CLIP4: variants seen among roughly 807,000 people sequenced by gnomAD.
CLIP4 encodes CAP-Gly domain containing linker protein family member 4.
Under a neutral mutation model 73.1 loss-of-function variants are expected in CLIP4, and 47 were observed. That is an observed-to-expected ratio of 0.64 (90% CI 0.51 to 0.82). The LOEUF is 0.82. CLIP4 is among the 40% of genes least tolerant of loss of function. The pLI is 0.00. For missense variants in CLIP4, 874 were observed against 852.9 expected (o/e 1.02, Z -0.31); for synonymous variants, 306 against 295.4 (o/e 1.04, Z -0.37).
chr2:29,179,633 G>C (rs1432337263), intron 15 of CLIP4, among the ~76,000 whole-genome samples: 1 of 152,134 alleles, frequency 6.6e-6, no homozygotes, highest in Non-Finnish European at 1.5e-5. Context: ...TGAAGTGTTA[G>C]GTACCTAGTA....
intron 5 of CLIP4, 118 bp from the exon 6 acceptor site, chr2:29,135,430 G>T: frequency 1.8e-6 from 1 of 567,256 alleles, no homozygotes; most frequent in Non-Finnish European, 3.0e-6. Context: ...TGCCTCTAGT[G>T]GGTTGATTTA....
intron 9 of CLIP4, among the ~76,000 whole-genome samples, chr2:29,155,274 C>G (rs1666844734): frequency 6.6e-6 from 1 of 152,002 alleles, no homozygotes; most frequent in Admixed American, 6.6e-5. Context: ...TACAGCCTGG[C>G]TAACAGAACA....
rs1668685639 is a variant in CLIP4 at position 29,182,324 on chromosome 2, C to CTT, written c.*433_*434dup. ...TCAATCATTTTTGGAATTTTTCTTT[C>CTT]TTTCTGTGCTTTATTACTAATAAGT... On this transcript the variant is annotated 3_prime_UTR_variant, in exon 16 of 16. Transcript: ENST00000320081. 1 of 153,918 alleles carries CTT rather than the reference C, an allele frequency of 6.5e-6. No individual in the cohort carries two copies. The highest frequency in any genetic ancestry group is 6.5e-5 in the Admixed American group (1 of 15,410). The allele number at this position is 153,918 out of a possible 1,614,324, so 9.5% of individuals were successfully genotyped here.
intron 8 of CLIP4, among the ~76,000 whole-genome samples, chr2:29,148,719 A>G (rs1572958186): frequency 6.6e-6 from 1 of 152,312 alleles, no homozygotes; most frequent in East Asian, 1.9e-4. Context: ...ACATCTAGTG[A>G]GTTTGTACTA....
At chr2:29,174,525 T>C (rs529172375) in intron 15 of CLIP4, 80 bp downstream of exon 15, 1 of 1,548,840 alleles carries the variant, frequency 6.5e-7, no homozygotes, top group Non-Finnish European at 8.7e-7. Context: ...AGTGGAGTGC[T>C]GTATCTTTTG....
intron 8 of CLIP4, among the ~76,000 whole-genome samples, chr2:29,146,605 T>G (rs1666188385): frequency 6.6e-6 from 1 of 152,204 alleles, no homozygotes; most frequent in Non-Finnish European, 1.5e-5. Flanking sequence ...TGAAATATTC[T>G]TTTAGAACAT....
intron 1 of CLIP4, among the ~76,000 whole-genome samples, chr2:29,101,746 G>C (rs1409560559): frequency 6.6e-6 from 1 of 152,108 alleles, no homozygotes; most frequent in Non-Finnish European, 1.5e-5. Context: ...CTTGATAAAG[G>C]GCTTAGAGTT....
rs773027559 is a variant in CLIP4, at chr2:29,157,288, T to C, written c.1340T>C (p.Ile447Thr). The C allele has an allele frequency of 2.5e-6, 4 of 1,614,118 alleles. No homozygotes were observed. The highest frequency in any genetic ancestry group is 1.7e-5 in the Admixed American group (1 of 60,026). ...RQSYPKKQNA[I>T]SSNKKTMSKS... is the part of the protein sequence containing the mutation. ...AGCTACCCCAAGAAACAGAATGCAA[T>C]CAGCAGTAACAAGAAGACAATGAGC... Residue 447 changes from isoleucine (I) to threonine (T), a missense_variant, in exon 11 of 16, where the codon ATC becomes ACC. By Grantham distance (89) the Ile-to-Thr change is moderately conservative. Transcript: ENST00000320081.
rs1236506848 is a variant in CLIP4, at chr2:29,156,408, C to T, written c.1220C>T (p.Pro407Leu). ...SASESTLSLPPGEELKTVTEK... is the reference protein window; with the variant it reads ...SASESTLSLPLGEELKTVTEK... ...TCTGAGTCAACACTTTCATTGCCTC[C>T]TGGTGAAGAACTTAAAACTGTGACA... The change falls in exon 10 of 16, where the codon CCT becomes CTT. Residue 407 changes from proline to leucine, a missense_variant. Pro to Leu is a moderately conservative substitution (Grantham distance 98). Transcript: ENST00000320081. 1.3e-6 allele frequency: 2 copies of T among 1,588,006 alleles called. No individual in the cohort carries two copies. Among genetic ancestry groups the T allele is most frequent in the Admixed American group, 1.9e-5 (1 of 51,466 alleles).
chr2:29,121,884 G>T (rs983269361), intron 2 of CLIP4, among the ~76,000 whole-genome samples: 3 of 152,078 alleles, frequency 2.0e-5, no homozygotes, highest in African/African-American at 4.8e-5. Flanking sequence ...AGGCAAAGAG[G>T]GTAAGAGACC....
intron 15 of CLIP4, chr2:29,175,587 G>A (rs1460985226): frequency 6.6e-6 from 1 of 152,092 alleles, no homozygotes; most frequent in Admixed American, 6.5e-5. Context: ...TGAGCCCTGG[G>A]AATTATACAG....
At chr2:29,135,863 T>C (rs1410112750) in intron 6 of CLIP4, among the ~76,000 whole-genome samples, 197 bp downstream of exon 6, 1 of 152,160 alleles carries the variant, frequency 6.6e-6, no homozygotes, top group African/African-American at 2.4e-5. Flanking sequence ...TTTCCTTTTA[T>C]ATTGATAAGT....
At chr2:29,172,004 C>T (rs189140852) in intron 14 of CLIP4, among the ~76,000 whole-genome samples, 2 of 139,388 alleles carry the variant, frequency 1.4e-5, no homozygotes, top group Admixed American at 1.5e-4. Flanking sequence ...ATATTCCCAC[C>T]CTCTGTTTTT....
intron 4 of CLIP4, among the ~76,000 whole-genome samples, chr2:29,133,383 AATTT>A (rs769703159): frequency 6.6e-6 from 1 of 152,178 alleles, no homozygotes; most frequent in Non-Finnish European, 1.5e-5. Flanking sequence ...TGTGTGTCTC[AATTT>A]ATTTAACCAA....
rs1668720195 is a variant in CLIP4 at position 29,183,097 on chromosome 2, G to A, written c.*1204G>A. 6.6e-6 allele frequency: 1 copy of A among 152,494 alleles called. No homozygotes were observed. The highest frequency in any genetic ancestry group is 1.5e-5 in the Non-Finnish European group (1 of 68,026). The allele number at this position is 152,494 out of a possible 1,614,324, so 9.4% of individuals were successfully genotyped here. A position where few individuals can be genotyped will look rare whatever the true frequency, so the allele number is the denominator to read the frequency against. On this transcript the variant is annotated 3_prime_UTR_variant, in exon 16 of 16. Coordinates refer to ENST00000320081, the MANE Select transcript of CLIP4 (RefSeq NM_024692.6). ...TGTTAACAAACTAAGCTTCACATTA[G>A]AGTGATGTCATAATGTAAAATGTTT... is the stretch of plus-strand genomic sequence containing the variant.
chr2:29,130,818 A>G (rs1664918775), intron 2 of CLIP4: 4 of 1,289,052 alleles, frequency 3.1e-6, no homozygotes, highest in Admixed American at 2.3e-5. Flanking sequence ...AATGCAAAGA[A>G]GAAAGCAAAA....
intron 8 of CLIP4, 56 bp downstream of exon 8, chr2:29,145,423 C>T (rs1341597153): frequency 1.4e-6 from 2 of 1,432,968 alleles, no homozygotes; most frequent in Non-Finnish European, 1.9e-6. Flanking sequence ...TCAAGTTTTA[C>T]TCTTTTACAG....
At chr2:29,110,285 T>C (rs1481266923) in intron 1 of CLIP4, among the ~76,000 whole-genome samples, 1 of 152,146 alleles carries the variant, frequency 6.6e-6, no homozygotes, top group African/African-American at 2.4e-5. Context: ...ACCTGCAACC[T>C]TGACAAAGGA....
chr2:29,153,453 G>C (rs1434389686), intron 9 of CLIP4, among the ~76,000 whole-genome samples: 1 of 151,846 alleles, frequency 6.6e-6, no homozygotes, highest in African/African-American at 2.4e-5. Flanking sequence ...TTCATATCCT[G>C]TCTCTAGTTC....
Sources: allele counts gnomAD v4.1 joint callset (sites outside exome capture counted in the v4.1 genomes callset), GRCh38; gene constraint gnomAD v4.1.1; transcripts MANE v1.5; gene names NCBI Gene and HGNC (gene_info 2026-07-23, HGNC 2026-07-21).